The following DCAF17 variants were observed in gnomAD, a reference collection of about 807,000 sequenced individuals.
DCAF17 encodes the protein DDB1 and CUL4 associated factor 17, also known as DDB1- and CUL4-associated factor 17.
A neutral mutation model predicts 66.0 loss-of-function variants in DCAF17; 48 were observed. The ratio of observed to expected loss-of-function variants is 0.73; its 90% CI spans 0.58 to 0.92. DCAF17 has a LOEUF of 0.92. Ranked by LOEUF, DCAF17 falls within the 40% of genes least tolerant of loss-of-function variation. DCAF17 has a pLI of 0.00. For missense variants in DCAF17, 562 were observed against 622.8 expected (o/e 0.90, Z 1.04); for synonymous variants, 206 against 214.6 (o/e 0.96, Z 0.35).
At chr2:171,466,196 G>A (rs1695887626) in intron 8 of DCAF17, among the ~76,000 whole-genome samples, 1 of 151,992 alleles carries the variant, frequency 6.6e-6, no homozygotes, top group African/African-American at 2.4e-5. Flanking sequence ...TTTGGTAGAA[G>A]AAATATATCA....
chr2:171,477,869 A>C (rs1486826448), intron 11 of DCAF17, 118 bp from the exon 12 acceptor site: 9 of 793,344 alleles, frequency 1.1e-5, no homozygotes, highest in Non-Finnish European at 1.7e-5. Context: ...CAGTTGAGGA[A>C]AGAATTGTGG....
Position 171,462,800 on chromosome 2 carries a change from A to C in DCAF17, c.838+4323A>C, listed in dbSNP as rs995766809. Among the ~76,000 whole-genome samples, 4 of 152,220 alleles carry C rather than the reference A, an allele frequency of 2.6e-5. No individual in the cohort carries two copies. The East Asian group carries it at 7.7e-4, about 29-fold the overall frequency. On this transcript the variant is annotated intron_variant, in intron 8 of 13. Coordinates refer to ENST00000375255, the MANE Select transcript of DCAF17 (RefSeq NM_025000.4). ...GCAAAAGATTGGAAACAATCTATAC[A>C]TTGGTAAGTGACATTAGTATTATTA...
At position 171,448,695 on chromosome 2, in the gene DCAF17, C is replaced by T; in HGVS notation, c.336C>T (p.Pro112=). 1 of 1,595,760 alleles carries T rather than the reference C, an allele frequency of 6.3e-7. No homozygotes were observed. The highest frequency in any genetic ancestry group is 8.5e-7 in the Non-Finnish European group (1 of 1,172,462). Residue 112 remains proline (P), a synonymous_variant, in exon 4 of 14, where the codon CCC becomes CCT. Transcript: ENST00000375255. ...LWECPVGDIL[P]NSSDYKSSLI... ...TTTTTTTTTAGGGAGATATACTTCC[C>T]AATTCATCAGATTATAAGTCCTCAC...
At chr2:171,447,342 T>G (rs1694687497) in intron 3 of DCAF17, 3 of 338,916 alleles carry the variant, frequency 8.9e-6, no homozygotes, top group Non-Finnish European at 1.7e-5. Context: ...TAGATTAATT[T>G]CAGCCTCTCT....
In DCAF17 at chr2:171,482,806, G is replaced by C. The variant is rs903874983; in HGVS notation, c.*1692G>C. The C allele has an allele frequency of 2.2e-4, 98 of 453,464 alleles. No homozygotes were observed. Among genetic ancestry groups the C allele is most frequent in the African/African-American group, 1.9e-3 (96 of 49,920 alleles). 28.1% of individuals were successfully genotyped at this position (453,464 alleles called of 1,614,324 possible). On this transcript the variant is annotated 3_prime_UTR_variant, in exon 14 of 14. Coordinates refer to ENST00000375255, the MANE Select transcript of DCAF17 (RefSeq NM_025000.4). ...TGAATTCCTGGCTGCTTTTTTGCTGGGGGTAGATGGTGGAATACTTCTGGT... is the reference window on the plus strand; with the variant it reads ...TGAATTCCTGGCTGCTTTTTTGCTGCGGGTAGATGGTGGAATACTTCTGGT...
intron 8 of DCAF17, among the ~76,000 whole-genome samples, chr2:171,459,753 A>G (rs1695467233): frequency 6.6e-6 from 1 of 152,244 alleles, no homozygotes; most frequent in Non-Finnish European, 1.5e-5. Context: ...GACAAATTAT[A>G]AAAACTACTG....
At chr2:171,438,441 T>G (rs1559252787) in intron 2 of DCAF17, among the ~76,000 whole-genome samples, 1 of 152,232 alleles carries the variant, frequency 6.6e-6, no homozygotes, top group Non-Finnish European at 1.5e-5. Flanking sequence ...TAATTACTGA[T>G]GGGTATTGAA....
At chr2:171,451,265 G>A (rs976043434) in intron 5 of DCAF17, among the ~76,000 whole-genome samples, 1 of 151,960 alleles carries the variant, frequency 6.6e-6, no homozygotes, top group African/African-American at 2.4e-5. Context: ...ATGGTTATCT[G>A]AATGTTTTCC....
At chr2:171,449,856 A>G in intron 4 of DCAF17, 23 bp from the exon 5 acceptor site, 1 of 1,597,422 alleles carries the variant, frequency 6.3e-7, no homozygotes, top group Non-Finnish European at 8.6e-7. Context: ...AAATAAATAA[A>G]CTTCTCTTCA....
intron 3 of DCAF17, among the ~76,000 whole-genome samples, chr2:171,448,127 C>A (rs1694736160): frequency 6.6e-6 from 1 of 152,140 alleles, no homozygotes; most frequent in African/African-American, 2.4e-5. Flanking sequence ...AATGTCTATT[C>A]TAGCAGAGAA....
At chr2:171,477,828 G>C (rs1258844064) in intron 11 of DCAF17, among the ~76,000 whole-genome samples, 159 bp from the exon 12 acceptor site, 2 of 152,136 alleles carry the variant, frequency 1.3e-5, no homozygotes, top group African/African-American at 4.8e-5. Context: ...AATATGAAAC[G>C]GAGGATCAGA....
intron 11 of DCAF17, among the ~76,000 whole-genome samples, chr2:171,477,195 T>A (rs1696538067): frequency 6.6e-6 from 1 of 152,224 alleles, no homozygotes; most frequent in Non-Finnish European, 1.5e-5. Context: ...CCTTTTAAGT[T>A]TTTATTGATG....
intron 3 of DCAF17, among the ~76,000 whole-genome samples, chr2:171,444,007 TAATAAA>T (rs1458316365): frequency 6.6e-6 from 1 of 152,188 alleles, no homozygotes; most frequent in South Asian, 2.1e-4. Context: ...GTTAGGAAAA[TAATAAA>T]AATAAAATAA....
chr2:171,474,299 G>T, intron 10 of DCAF17: 1 of 333,692 alleles, frequency 3.0e-6, no homozygotes, highest in Non-Finnish European at 5.7e-6. Flanking sequence ...TGTTCTGAAA[G>T]GCAGCCTAGA....
At chr2:171,479,916 C>A in intron 12 of DCAF17, 122 bp from the exon 13 acceptor site, 1 of 1,065,270 alleles carries the variant, frequency 9.4e-7, no homozygotes, top group Non-Finnish European at 1.4e-6. Flanking sequence ...TCTTCCCATT[C>A]ATTCATTCTT....
chr2:171,449,839 C>G (rs2105753172), intron 4 of DCAF17, 40 bp from the exon 5 acceptor site: 2 of 1,520,276 alleles, frequency 1.3e-6, no homozygotes, highest in Non-Finnish European at 1.8e-6. Flanking sequence ...TATAAGGAAA[C>G]TGACCCAAAT....
intron 6 of DCAF17, among the ~76,000 whole-genome samples, chr2:171,457,665 A>G (rs1695336115): frequency 6.6e-6 from 1 of 152,222 alleles, no homozygotes; most frequent in Non-Finnish European, 1.5e-5. Context: ...GCCAGTGTCT[A>G]TGAGGAATGG....
chr2:171,445,745 C>T (rs1373782885), intron 3 of DCAF17, among the ~76,000 whole-genome samples: 5 of 152,100 alleles, frequency 3.3e-5, no homozygotes, highest in Non-Finnish European at 7.4e-5. Flanking sequence ...TCCAGTGGCA[C>T]AATCACAGCT....
rs887289707 is a variant in DCAF17, at chr2:171,482,497, T to C, written c.*1383T>C. On this transcript the variant is annotated 3_prime_UTR_variant, in exon 14 of 14. Transcript: ENST00000375255. The stretch of plus-strand genomic sequence containing the variant: ...ATCTAAATAGTCCCACTCAGTAAAC[T>C]TACATCTTGAAAAACAAGACCAGTA... The C allele has an allele frequency of 4.4e-5, 20 of 453,906 alleles. No individual in the cohort carries two copies. The Admixed American group carries it at 4.5e-4, about 10-fold the overall frequency. The allele number at this position is 453,906 out of a possible 1,614,324, so 28.1% of individuals were successfully genotyped here. A position where few individuals can be genotyped will look rare whatever the true frequency, so the allele number is the denominator to read the frequency against.
Sources: allele counts gnomAD v4.1 joint callset (sites outside exome capture counted in the v4.1 genomes callset), GRCh38; gene constraint gnomAD v4.1.1; transcripts MANE v1.5; gene names NCBI Gene and HGNC (gene_info 2026-07-23, HGNC 2026-07-21).